The following ADAMTS3 variants were observed in gnomAD, a reference collection of about 807,000 sequenced individuals.
ADAMTS3 encodes ADAM metallopeptidase with thrombospondin type 1 motif 3.
In ADAMTS3, 73 loss-of-function variants were observed where a neutral mutation model predicts 129.0. The observed-to-expected ratio is 0.57, with a 90% CI of 0.47 to 0.69. The LOEUF (loss-of-function observed/expected upper bound fraction) is 0.69, where lower values mean the gene tolerates loss of function less well. ADAMTS3 is among the 30% of genes least tolerant of loss of function. ADAMTS3 has a pLI of 0.00. For synonymous variants in ADAMTS3, 477 were observed against 510.8 expected, an observed-to-expected ratio of 0.93 and a Z score of 0.89; for missense variants, 1,457 against 1,514.5, an observed-to-expected ratio of 0.96 and a Z score of 0.63.
intron 3 of ADAMTS3, among the ~76,000 whole-genome samples, chr4:72,507,306 G>C (rs1376708690): frequency 6.6e-6 from 1 of 152,012 alleles, no homozygotes; most frequent in East Asian, 1.9e-4. Flanking sequence ...CCCCTGCTGA[G>C]TCTCAGCAGC....
intron 3 of ADAMTS3, among the ~76,000 whole-genome samples, chr4:72,452,681 G>T (rs192120302): frequency 6.6e-6 from 1 of 151,884 alleles, no homozygotes; most frequent in African/African-American, 2.4e-5. Context: ...GTCTTGAGCT[G>T]ATTTCGTGCA....
intron 4 of ADAMTS3, among the ~76,000 whole-genome samples, chr4:72,372,381 A>C (rs1031738495): frequency 6.6e-6 from 1 of 152,074 alleles, no homozygotes; most frequent in African/African-American, 2.4e-5. Flanking sequence ...CAATATAAGG[A>C]ATGAAAAAAC....
At chr4:72,333,368 AC>A (rs910288095) in intron 5 of ADAMTS3, among the ~76,000 whole-genome samples, 27 of 152,296 alleles carry the variant, frequency 1.8e-4, no homozygotes, top group African/African-American at 4.6e-4. Context: ...AGCTAAAAAA[AC>A]GTATAAATTA....
chr4:72,342,813 A>T (rs1036163918), intron 4 of ADAMTS3, among the ~76,000 whole-genome samples: 7 of 152,178 alleles, frequency 4.6e-5, no homozygotes, highest in Non-Finnish European at 4.4e-5. Flanking sequence ...TGGCCCCACC[A>T]AGAGGTGGAC....
intron 3 of ADAMTS3, among the ~76,000 whole-genome samples, chr4:72,491,792 T>G (rs1719752152): frequency 6.6e-6 from 1 of 151,844 alleles, no homozygotes. Flanking sequence ...TAAAATGAGT[T>G]GGAAAGTGTT....
At chr4:72,465,901 C>A (rs1047326121) in intron 3 of ADAMTS3, among the ~76,000 whole-genome samples, 1 of 151,938 alleles carries the variant, frequency 6.6e-6, no homozygotes, top group Admixed American at 6.6e-5. Flanking sequence ...CTCTTGTCTG[C>A]CACCATGTAA....
At chr4:72,503,992 T>C (rs1227443091) in intron 3 of ADAMTS3, among the ~76,000 whole-genome samples, 3 of 152,220 alleles carry the variant, frequency 2.0e-5, no homozygotes, top group Non-Finnish European at 4.4e-5. Context: ...TGGATGTCAT[T>C]ATGTGTGAGA....
chr4:72,567,864 G>T (rs1232550496), intron 1 of ADAMTS3, among the ~76,000 whole-genome samples: 3 of 152,182 alleles, frequency 2.0e-5, no homozygotes, highest in African/African-American at 7.2e-5. Context: ...GAGAAATTCT[G>T]TACCCAAAGT....
In ADAMTS3 at chr4:72,309,439, G is replaced by A. The variant is rs761989336; in HGVS notation, c.2137C>T (p.Arg713Ter). 6.2e-7 allele frequency: 1 copy of A among 1,611,836 alleles called. No individual in the cohort carries two copies. The highest frequency in any genetic ancestry group is 1.7e-5 in the Admixed American group (1 of 59,852). Residue 713 changes from arginine to a stop codon, truncating the protein, a stop_gained, in exon 15 of 22, where the codon CGA (arginine) becomes TGA (stop). Transcript: ENST00000286657. LOFTEE classifies it high-confidence loss of function. Reference sequence around the variant, plus strand: ...CTGGTAAATGTCCCCTTCACGGTTCGGCAGTGGGAATTATCTCCTCCACAG... The same window carrying A: ...CTGGTAAATGTCCCCTTCACGGTTCAGCAGTGGGAATTATCTCCTCCACAG... Reference protein sequence around the residue: ...GVCGGDNSHCRTVKGTFTRTP... With the variant: ...GVCGGDNSHC
At chr4:72,481,775 A>G (rs1719443004) in intron 3 of ADAMTS3, among the ~76,000 whole-genome samples, 1 of 152,138 alleles carries the variant, frequency 6.6e-6, no homozygotes, top group Non-Finnish European at 1.5e-5. Context: ...TGCAAATGAC[A>G]TATCTGACAA....
intron 3 of ADAMTS3, among the ~76,000 whole-genome samples, chr4:72,527,884 A>G (rs2109752555): frequency 6.6e-6 from 1 of 152,324 alleles, no homozygotes; most frequent in East Asian, 1.9e-4. Flanking sequence ...GATAGGGAGC[A>G]GAGTGTAGTG....
chr4:72,358,397 G>A (rs1720635860), intron 4 of ADAMTS3, among the ~76,000 whole-genome samples: 1 of 151,912 alleles, frequency 6.6e-6, no homozygotes, highest in Non-Finnish European at 1.5e-5. Flanking sequence ...CACTAAGCCT[G>A]GAGACTGTAT....
intron 17 of ADAMTS3, among the ~76,000 whole-genome samples, chr4:72,298,850 T>C (rs1718877351): frequency 6.6e-6 from 1 of 151,720 alleles, no homozygotes; most frequent in African/African-American, 2.4e-5. Context: ...ATTTTTTGAA[T>C]TTTTAAATTT....
At chr4:72,461,542 A>C (rs1156552757) in intron 3 of ADAMTS3, among the ~76,000 whole-genome samples, 1 of 151,852 alleles carries the variant, frequency 6.6e-6, no homozygotes, top group Non-Finnish European at 1.5e-5. Flanking sequence ...CAACTAATAG[A>C]GATTTTGAAA....
chr4:72,310,435 C>T (rs1237361858), intron 14 of ADAMTS3, among the ~76,000 whole-genome samples: 2 of 152,020 alleles, frequency 1.3e-5, no homozygotes, highest in East Asian at 3.9e-4. Context: ...TAATACAGCA[C>T]TTCAGTTTTG....
chr4:72,546,367 C>A (rs1721466644), intron 3 of ADAMTS3, among the ~76,000 whole-genome samples: 1 of 151,988 alleles, frequency 6.6e-6, no homozygotes, highest in African/African-American at 2.4e-5. Context: ...TTTGACCAGA[C>A]CTTTCCTGAG....
chr4:72,527,615 A>G (rs775680549), intron 3 of ADAMTS3, among the ~76,000 whole-genome samples: 4 of 152,206 alleles, frequency 2.6e-5, no homozygotes, highest in Non-Finnish European at 4.4e-5. Flanking sequence ...CAGAAAAATA[A>G]AAGAATCCTG....
At position 72,319,380 on chromosome 4, in the gene ADAMTS3, C is replaced by T. The variant is rs374705972; in HGVS notation, c.1304G>A (p.Arg435His). ...MAPLVQAAFHRYHWSRCSGQE... is the reference protein window; with the variant it reads ...MAPLVQAAFHHYHWSRCSGQE... ...ACCACTGCATCGGGACCAGTGGTAA[C>T]GATGGAATGCTGCTTGTACCAAGGG... The change falls in exon 9 of 22, where the codon CGT becomes CAT. Residue 435 changes from arginine to histidine, a missense_variant. Arg to His is a conservative substitution (Grantham distance 29). Transcript: ENST00000286657. The T allele has an allele frequency of 3.7e-5, 59 of 1,613,842 alleles. No homozygotes were observed. The highest frequency in any genetic ancestry group is 9.3e-5 in the African/African-American group (7 of 74,996).
At chr4:72,322,082 T>A (rs1719570167) in intron 6 of ADAMTS3, among the ~76,000 whole-genome samples, 1 of 152,180 alleles carries the variant, frequency 6.6e-6, no homozygotes, top group African/African-American at 2.4e-5. Context: ...AAAATCAGTT[T>A]CCTTTTTTAA....
Sources: allele counts gnomAD v4.1 joint callset (sites outside exome capture counted in the v4.1 genomes callset), GRCh38; gene constraint gnomAD v4.1.1; transcripts MANE v1.5; gene names NCBI Gene and HGNC (gene_info 2026-07-23, HGNC 2026-07-21).